Variants in PTCHD1 observed in about 807,000 individuals in gnomAD.
PTCHD1 encodes patched domain-containing protein 1.
Under a neutral mutation model 34.6 loss-of-function variants are expected in PTCHD1, and 3 were observed. The ratio of observed to expected loss-of-function variants is 0.09; its 90% CI spans 0.04 to 0.22. The LOEUF is 0.22. PTCHD1 is among the 10% of genes least tolerant of loss of function. The pLI is 1.00. For missense variants in PTCHD1, 504 were observed against 685.5 expected (o/e 0.74, Z 2.96); for synonymous variants, 305 against 283.1 (o/e 1.08, Z -0.77).
chrX:23,365,544 G>A (rs904257947), intron 1 of PTCHD1, among the ~76,000 whole-genome samples: 1 of 111,355 alleles, frequency 9.0e-6, no homozygotes, highest in Non-Finnish European at 1.9e-5. Flanking sequence ...AATTAAGCAG[G>A]CCACTTCTGT....
rs1254605131 is a variant in PTCHD1 at position 23,394,450 on chromosome X, A to ACACACACACACACACACC, written c.*266_*267insACACACACACACACACCC. On this transcript the variant is annotated 3_prime_UTR_variant, in exon 3 of 3. Coordinates refer to ENST00000379361, the MANE Select transcript of PTCHD1 (RefSeq NM_173495.3). ...CACACACACACACACACACACACAC[A>ACACACACACACACACACC]CCCTGGGAGACCTATAGTCTCTTAA... The ACACACACACACACACACC allele has an allele frequency of 1.4e-5, 4 of 291,812 alleles. No individual in the cohort carries two copies. The highest frequency in any genetic ancestry group is 1.2e-4 in the East Asian group (2 of 16,627). The allele number at this position is 291,812 out of a possible 1,213,427, so 24.0% of individuals were successfully genotyped here. A position where few individuals can be genotyped will look rare whatever the true frequency, so the allele number is the denominator to read the frequency against.
intron 1 of PTCHD1, among the ~76,000 whole-genome samples, chrX:23,353,962 A>C (rs1199456873): frequency 1.8e-5 from 2 of 111,855 alleles, no homozygotes. Context: ...AAGGGTTCTC[A>C]ATCTTGACTG....
chrX:23,334,753 C>A (rs1921101715), upstream of PTCHD1: 2 of 131,819 alleles, frequency 1.5e-5, no homozygotes, highest in South Asian at 6.2e-4. Context: ...CAGGGTCTCG[C>A]CGCCGCCGCC....
At chrX:23,358,185 C>G (rs952424548) in intron 1 of PTCHD1, among the ~76,000 whole-genome samples, 6 of 111,612 alleles carry the variant, frequency 5.4e-5, no homozygotes, top group South Asian at 3.8e-4. Context: ...GGAATGAGAT[C>G]GCTGGATCAA....
chrX:23,341,639 G>C lies in PTCHD1; in HGVS notation c.351+6413G>C, dbSNP rs776535474. 2.7e-5 allele frequency among the ~76,000 whole-genome samples: 3 copies of C among 112,510 alleles called. No individual in the cohort carries two copies. The South Asian group carries it at 1.1e-3, about 42-fold the overall frequency. ...ATACCCGGAAGGCCACAGAACTACC[G>C]AGGAATCCTGCCAGACTGATTTAAT... On this transcript the variant is annotated intron_variant, in intron 1 of 2. Coordinates refer to ENST00000379361, the MANE Select transcript of PTCHD1 (RefSeq NM_173495.3).
At position 23,396,448 on chromosome X, in the gene PTCHD1, CAT is replaced by C. The variant is rs796562564; in HGVS notation, c.*2264_*2265del. On this transcript the variant is annotated 3_prime_UTR_variant, in exon 3 of 3. Transcript: ENST00000379361. ...GAGGGGATTGGTTTTACTGTTAAAT[CAT>C]GTGTTGCTAAATCATTTTCTGAACA... 9.8e-5 allele frequency: 11 copies of C among 112,196 alleles called. No homozygotes were observed. The East Asian group carries it at 2.2e-3, about 23-fold the overall frequency. The allele number at this position is 112,196 out of a possible 1,213,427, so 9.2% of individuals were successfully genotyped here. A position where few individuals can be genotyped will look rare whatever the true frequency, so the allele number is the denominator to read the frequency against.
At chrX:23,334,768 CCGCCGCCGCGGG>C (rs1378113230), upstream of PTCHD1, 2 of 199,505 alleles carry the variant, frequency 1.0e-5, no homozygotes, top group Non-Finnish European at 7.2e-6. Flanking sequence ...GCCGCCGTCG[CCGCCGCCGCGGG>C]CGCCGCTGCC....
intron 1 of PTCHD1, among the ~76,000 whole-genome samples, chrX:23,356,835 A>T (rs970777494): frequency 9.0e-6 from 1 of 111,381 alleles, no homozygotes; most frequent in Non-Finnish European, 1.9e-5. Context: ...TGCCAGCTAC[A>T]TTTTCTGATT....
At chrX:23,379,236 G>A (rs1490517971) in intron 1 of PTCHD1, among the ~76,000 whole-genome samples, 1 of 112,303 alleles carries the variant, frequency 8.9e-6, no homozygotes, top group Non-Finnish European at 1.9e-5. Context: ...AAGAATACTG[G>A]TACTTTAATG....
At chrX:23,390,330 A>G (rs1030837832) in intron 2 of PTCHD1, among the ~76,000 whole-genome samples, 3 of 83,113 alleles carry the variant, frequency 3.6e-5, no homozygotes, top group African/African-American at 1.9e-4. Context: ...TGGCCCCAGG[A>G]AAAAAAAAAA....
chrX:23,356,420 G>C (rs770734639), intron 1 of PTCHD1, among the ~76,000 whole-genome samples: 8 of 112,050 alleles, frequency 7.1e-5, no homozygotes, highest in Non-Finnish European at 1.3e-4. Context: ...CCTAAGCTAA[G>C]CCCATCACTT....
At chrX:23,367,627 C>A (rs1250502688) in intron 1 of PTCHD1, among the ~76,000 whole-genome samples, 1 of 111,437 alleles carries the variant, frequency 9.0e-6, no homozygotes, top group Non-Finnish European at 1.9e-5. Context: ...TGCAGGATAA[C>A]TGAATCTTGC....
At position 23,392,690 on chromosome X, in the gene PTCHD1, G is replaced by C. The variant is rs1477666542; in HGVS notation, c.1172G>C (p.Ser391Thr). The C allele has an allele frequency of 8.3e-7, 1 of 1,210,785 alleles. No homozygotes were observed. The highest frequency in any genetic ancestry group is 1.7e-5 in the African/African-American group (1 of 57,398). ...CTGGTCACCTTTGGCATAGGGGCCAGCCCTTTCACGAACATTGAGGCAGCC... is the reference window on the plus strand; with the variant it reads ...CTGGTCACCTTTGGCATAGGGGCCACCCCTTTCACGAACATTGAGGCAGCC... ...MYLVTFGIGA[S>T]PFTNIEAARI... Residue 391 changes from serine to threonine, a missense_variant, in exon 3 of 3, where the codon AGC (serine) becomes ACC (threonine). Coordinates refer to ENST00000379361, the MANE Select transcript of PTCHD1 (RefSeq NM_173495.3).
At chrX:23,354,729 C>T (rs1202124485) in intron 1 of PTCHD1, among the ~76,000 whole-genome samples, 3 of 108,338 alleles carry the variant, frequency 2.8e-5, no homozygotes, top group Non-Finnish European at 5.7e-5. Context: ...CCTGCCACCA[C>T]GCCCAGCTGA....
intron 1 of PTCHD1, among the ~76,000 whole-genome samples, chrX:23,359,108 T>C (rs1019325552): frequency 1.8e-5 from 2 of 112,539 alleles, no homozygotes; most frequent in South Asian, 7.3e-4. Context: ...TTCTTTTGGC[T>C]TAGGATTGAC....
At chrX:23,378,424 T>C (rs1308173436) in intron 1 of PTCHD1, among the ~76,000 whole-genome samples, 2 of 112,345 alleles carry the variant, frequency 1.8e-5, no homozygotes, top group African/African-American at 6.5e-5. Context: ...TGTTTTCTTA[T>C]CTTAGACAGT....
At chrX:23,358,339 A>C (rs1921867984) in intron 1 of PTCHD1, among the ~76,000 whole-genome samples, 1 of 111,856 alleles carries the variant, frequency 8.9e-6, no homozygotes, top group Non-Finnish European at 1.9e-5. Context: ...TGACTTTTTA[A>C]TGATTGCCAT....
chrX:23,351,187 C>CAG, intron 1 of PTCHD1: 2 of 678,034 alleles, frequency 2.9e-6, no homozygotes. Flanking sequence ...ATCTGTTGCT[C>CAG]AGATTGGAAT....
Position 23,334,868 on chromosome X carries a change from G to T in PTCHD1, c.-8G>T. 8.4e-7 allele frequency: 1 copy of T among 1,183,839 alleles called. No individual in the cohort carries two copies. The highest frequency in any genetic ancestry group is 1.8e-5 in the South Asian group (1 of 54,156). On this transcript the variant is annotated 5_prime_UTR_variant, in exon 1 of 3. Transcript: ENST00000379361. ...CTCGCCCTCCTCCCGCGCCCGCTCT[G>T]CTCTAGGATGCTGCGGCAGGTTCTG...
Sources: allele counts gnomAD v4.1 joint callset (sites outside exome capture counted in the v4.1 genomes callset), GRCh38; gene constraint gnomAD v4.1.1; transcripts MANE v1.5; gene names NCBI Gene and HGNC (gene_info 2026-07-23, HGNC 2026-07-21).